AGBL4: variants seen among roughly 807,000 people sequenced by gnomAD.
The protein encoded by AGBL4 is AGBL carboxypeptidase 4.
A neutral mutation model predicts 66.4 loss-of-function variants in AGBL4; 58 were observed. The observed-to-expected ratio is 0.87, with a 90% CI of 0.71 to 1.09. AGBL4 has a LOEUF of 1.09. Among genes scored for constraint, AGBL4 ranks in the 50% least tolerant of loss-of-function variants. The pLI, the probability that AGBL4 is intolerant of heterozygous loss-of-function variation, is 0.00. For missense variants in AGBL4, 579 were observed against 631.0 expected, an observed-to-expected ratio of 0.92 and a Z score of 0.88; for synonymous variants, 234 against 222.9, an observed-to-expected ratio of 1.05 and a Z score of -0.44.
intron 6 of AGBL4, among the ~76,000 whole-genome samples, chr1:48,709,693 C>T (rs1008813852): frequency 3.3e-5 from 5 of 151,790 alleles, no homozygotes; most frequent in Non-Finnish European, 7.4e-5. Flanking sequence ...GGTCTGCCTT[C>T]CAGGTTCACG....
chr1:49,298,766 T>G (rs1469157150), intron 3 of AGBL4, among the ~76,000 whole-genome samples: 1 of 152,212 alleles, frequency 6.6e-6, no homozygotes, highest in Admixed American at 6.5e-5. Flanking sequence ...GACATGGGAA[T>G]TTTATCTCCA....
chr1:49,957,843 C>A (rs1206753496), intron 1 of AGBL4, among the ~76,000 whole-genome samples: 2 of 152,020 alleles, frequency 1.3e-5, no homozygotes, highest in Non-Finnish European at 2.9e-5. Context: ...TTAATTGGAG[C>A]ATTTAGCCCA....
chr1:49,004,840 A>T (rs1289559807), intron 5 of AGBL4, among the ~76,000 whole-genome samples: 1 of 152,242 alleles, frequency 6.6e-6, no homozygotes, highest in African/African-American at 2.4e-5. Flanking sequence ...GGCCCACAAT[A>T]TGTATATGAA....
At chr1:49,842,211 A>G (rs1340096647) in intron 2 of AGBL4, 2 of 431,202 alleles carry the variant, frequency 4.6e-6, no homozygotes, top group Admixed American at 2.9e-5. Context: ...AGCCAGGAGG[A>G]GTGGAGGCAG....
intron 3 of AGBL4, among the ~76,000 whole-genome samples, chr1:49,279,808 A>C (rs970579944): frequency 6.6e-6 from 1 of 152,200 alleles, no homozygotes. Context: ...GGCTTAAGCC[A>C]AACTAACCTT....
At chr1:49,813,916 T>G (rs1270821816) in intron 2 of AGBL4, among the ~76,000 whole-genome samples, 1 of 152,114 alleles carries the variant, frequency 6.6e-6, no homozygotes, top group Admixed American at 6.6e-5. Context: ...AACTGAATCA[T>G]GCGGGCAGGT....
At chr1:49,664,161 G>A (rs1350759194) in intron 3 of AGBL4, among the ~76,000 whole-genome samples, 1 of 151,930 alleles carries the variant, frequency 6.6e-6, no homozygotes, top group African/African-American at 2.4e-5. Flanking sequence ...AAAGAAGAAA[G>A]CTTGTAGCAT....
At chr1:48,642,299 G>T (rs1415517640) in intron 8 of AGBL4, among the ~76,000 whole-genome samples, 1 of 152,110 alleles carries the variant, frequency 6.6e-6, no homozygotes, top group Non-Finnish European at 1.5e-5. Context: ...TGTGACTGGG[G>T]ACAAGGGCGC....
intron 3 of AGBL4, among the ~76,000 whole-genome samples, chr1:49,613,453 A>G (rs936394824): frequency 1.3e-5 from 2 of 152,206 alleles, no homozygotes; most frequent in African/African-American, 4.8e-5. Context: ...GCAGGAGGTG[A>G]GCGGCAGGCA....
chr1:48,840,271 A>G (rs931844064), intron 6 of AGBL4, among the ~76,000 whole-genome samples: 2 of 152,114 alleles, frequency 1.3e-5, no homozygotes, highest in Admixed American at 6.6e-5. Context: ...TAAGACTCCC[A>G]AGGCAGAGAT....
At chr1:48,997,662 G>T (rs1661115569) in intron 5 of AGBL4, among the ~76,000 whole-genome samples, 1 of 152,142 alleles carries the variant, frequency 6.6e-6, no homozygotes, top group Non-Finnish European at 1.5e-5. Context: ...GTTACCAGTT[G>T]TAAGACTCTC....
chr1:48,687,005 A>G (rs762246066), intron 6 of AGBL4, among the ~76,000 whole-genome samples: 8 of 148,134 alleles, frequency 5.4e-5, no homozygotes, highest in Non-Finnish European at 1.2e-4. Flanking sequence ...ACCAGGTAAT[A>G]CTTGCAGGCA....
chr1:49,458,184 C>T (rs1437803346), intron 3 of AGBL4, among the ~76,000 whole-genome samples: 1 of 151,798 alleles, frequency 6.6e-6, no homozygotes, highest in Non-Finnish European at 1.5e-5. Flanking sequence ...CATCAATTAG[C>T]ATGGAATGTG....
chr1:49,454,747 T>C (rs1044227430), intron 3 of AGBL4, among the ~76,000 whole-genome samples: 3 of 151,646 alleles, frequency 2.0e-5, no homozygotes, highest in Non-Finnish European at 3.0e-5. Context: ...AACGTGGTCC[T>C]TGTCATTAGG....
chr1:49,272,309 G>A (rs965040636), intron 3 of AGBL4, among the ~76,000 whole-genome samples: 5 of 151,862 alleles, frequency 3.3e-5, no homozygotes, highest in Non-Finnish European at 7.4e-5. Flanking sequence ...TAAATTATTA[G>A]GCTCTAAACA....
chr1:49,185,752 T>G (rs546239451), intron 4 of AGBL4, among the ~76,000 whole-genome samples: 1 of 152,274 alleles, frequency 6.6e-6, no homozygotes, highest in South Asian at 2.1e-4. Flanking sequence ...ATACTCTGCC[T>G]AGTTCCCCGC....
chr1:49,033,250 A>C (rs1571279455), intron 5 of AGBL4, among the ~76,000 whole-genome samples: 1 of 152,130 alleles, frequency 6.6e-6, no homozygotes, highest in African/African-American at 2.4e-5. Flanking sequence ...ACACTTGTTT[A>C]ATTTAGAGTG....
At chr1:48,829,756 T>A (rs925704424) in intron 6 of AGBL4, among the ~76,000 whole-genome samples, 1 of 152,188 alleles carries the variant, frequency 6.6e-6, no homozygotes, top group Non-Finnish European at 1.5e-5. Context: ...TGCTTTTTTT[T>A]AAACTTAAAA....
intron 6 of AGBL4, among the ~76,000 whole-genome samples, chr1:48,858,606 T>C (rs1408412866): frequency 6.6e-6 from 1 of 152,210 alleles, no homozygotes; most frequent in Non-Finnish European, 1.5e-5. Flanking sequence ...ATTTGATTTA[T>C]ATAAAATGTC....
Sources: allele counts gnomAD v4.1 joint callset (sites outside exome capture counted in the v4.1 genomes callset), GRCh38; gene constraint gnomAD v4.1.1; transcripts MANE v1.5; gene names NCBI Gene and HGNC (gene_info 2026-07-23, HGNC 2026-07-21).